Variants in DPPA2 observed in about 807,000 individuals in gnomAD.
DPPA2 encodes the protein developmental pluripotency associated 2, also known as developmental pluripotency-associated protein 2.
DPPA2 carries 26 observed loss-of-function variants against 36.2 expected under a neutral mutation model. The observed-to-expected ratio is 0.72, with a 90% CI of 0.53 to 1.00. The LOEUF (loss-of-function observed/expected upper bound fraction) is 1.00. Ranked by LOEUF, DPPA2 falls within the 50% of genes least tolerant of loss-of-function variation. The pLI is 0.00. For missense variants in DPPA2, 361 were observed against 365.1 expected, an observed-to-expected ratio of 0.99 and a Z score of 0.09; for synonymous variants, 113 against 123.2, an observed-to-expected ratio of 0.92 and a Z score of 0.55.
rs146605909 is a variant in DPPA2 at position 109,305,340 on chromosome 3, C to T, written c.659-670G>A. 6.3e-4 allele frequency among the ~76,000 whole-genome samples: 96 copies of T among 152,150 alleles called. 1 individual carries two copies. Among genetic ancestry groups the T allele is most frequent in the Admixed American group, 2.6e-3 (40 of 15,274 alleles). On this transcript the variant is annotated intron_variant, in intron 6 of 8. Transcript: ENST00000478945. ...ATTTCTTATTCACAGGTGAGATAAA[C>T]GAAGCTTATGGTGTTAAATATCATA...
At chr3:109,303,472 C>T (rs568392808) in intron 7 of DPPA2, among the ~76,000 whole-genome samples, 13 of 151,828 alleles carry the variant, frequency 8.6e-5, no homozygotes, top group Admixed American at 7.2e-4. Context: ...CCGGGTTCAG[C>T]GATTCTTCTG....
chr3:109,309,241 G>A lies in DPPA2; in HGVS notation c.271C>T (p.Pro91Ser). ...PALPLPTILP[P>S]INKVCRDTLR... is the part of the protein sequence containing the mutation. ...GTGTCCCGACACACCTTATTAATGGGAGGCAAAATGGTCGGCAAGGGAAGG... is the reference window on the plus strand; with the variant it reads ...GTGTCCCGACACACCTTATTAATGGAAGGCAAAATGGTCGGCAAGGGAAGG... The change falls in exon 4 of 9, where the codon CCC becomes TCC. Residue 91 changes from proline (P) to serine (S), a missense_variant. Transcript: ENST00000478945. 6.2e-7 allele frequency: 1 copy of A among 1,614,164 alleles called. No individual in the cohort carries two copies. The highest frequency in any genetic ancestry group is 8.5e-7 in the Non-Finnish European group (1 of 1,180,040).
intron 6 of DPPA2, among the ~76,000 whole-genome samples, chr3:109,305,071 G>A (rs976886816): frequency 3.9e-5 from 6 of 152,042 alleles, no homozygotes; most frequent in Non-Finnish European, 5.9e-5. Context: ...GCTTGAACCC[G>A]GAAGGCAGAG....
chr3:109,294,178 A>T (rs1707311760), intron 8 of DPPA2, among the ~76,000 whole-genome samples, 174 bp from the exon 9 acceptor site: 1 of 152,198 alleles, frequency 6.6e-6, no homozygotes, highest in Non-Finnish European at 1.5e-5. Flanking sequence ...GTGTATAGTC[A>T]GAATTGGTTT....
At position 109,308,174 on chromosome 3, in the gene DPPA2, G is replaced by A; in HGVS notation, c.516C>T (p.Thr172=). 6.2e-7 allele frequency: 1 copy of A among 1,614,116 alleles called. No homozygotes were observed. The highest frequency in any genetic ancestry group is 8.5e-7 in the Non-Finnish European group (1 of 1,180,016). ...SYEMNERAEE[T]NTVEVITSAP... Reference sequence around the variant, plus strand: ...CTGAAGTTATCACTTCAACTGTATTGGTCTCTTCTGCTCTCTCATTCATCT... The same window carrying A: ...CTGAAGTTATCACTTCAACTGTATTAGTCTCTTCTGCTCTCTCATTCATCT... Residue 172 remains threonine (T), a synonymous_variant, in exon 6 of 9, where the codon ACC becomes ACT. Coordinates refer to ENST00000478945, the MANE Select transcript of DPPA2 (RefSeq NM_138815.4).
rs371420785 is a variant in DPPA2 at position 109,303,557 on chromosome 3, C to T, written c.854+918G>A. Among the ~76,000 whole-genome samples the T allele has an allele frequency of 4.9e-4, 75 of 151,594 alleles. 1 individual carries two copies. The highest frequency in any genetic ancestry group is 1.6e-3 in the African/African-American group (66 of 41,402). ...GCTAATTTTGTATTTTTAGTAGAGA[C>T]GGGGTTTCTCCATATTGGTCAGGCT... is the stretch of plus-strand genomic sequence containing the variant. On this transcript the variant is annotated intron_variant, in intron 7 of 8. Coordinates refer to ENST00000478945, the MANE Select transcript of DPPA2 (RefSeq NM_138815.4).
intron 7 of DPPA2, among the ~76,000 whole-genome samples, chr3:109,302,754 CAAA>C (rs71629389): frequency 2.1e-5 from 2 of 94,042 alleles, no homozygotes; most frequent in South Asian, 3.5e-4. Flanking sequence ...AGCCCACTTA[CAAA>C]AAAAAAAAAA....
rs773094193 is a variant in DPPA2, at chr3:109,304,632, C to A, written c.697G>T (p.Ala233Ser). Residue 233 changes from alanine (A) to serine (S), a missense_variant, in exon 7 of 9, where the codon GCA (alanine) becomes TCA (serine). Coordinates refer to ENST00000478945, the MANE Select transcript of DPPA2 (RefSeq NM_138815.4). ...WCVVHGRLLS[A>S]DTKGWVRLQF... ...AGGCGTACCCAACCCTTTGTGTCTGCCGAGAGAAGTCTGCCATGGACCACA... is the reference window on the plus strand; with the variant it reads ...AGGCGTACCCAACCCTTTGTGTCTGACGAGAGAAGTCTGCCATGGACCACA... 3.7e-6 allele frequency: 6 copies of A among 1,612,000 alleles called. No homozygotes were observed. In the South Asian group the frequency reaches 6.6e-5, roughly 18 times the overall value.
At chr3:109,295,937 G>T (rs963559315) in intron 8 of DPPA2, among the ~76,000 whole-genome samples, 1 of 152,130 alleles carries the variant, frequency 6.6e-6, no homozygotes, top group Non-Finnish European at 1.5e-5. Flanking sequence ...CTCATCTATA[G>T]CTGGACTGCC....
At position 109,298,174 on chromosome 3, in the gene DPPA2, G is replaced by C. The variant is rs550917213; in HGVS notation, c.*22+2197C>G. On this transcript the variant is annotated intron_variant, in intron 8 of 8. Coordinates refer to ENST00000478945, the MANE Select transcript of DPPA2 (RefSeq NM_138815.4). ...TGCAACACAAGGGATTTCTAAGGTA[G>C]TGAAACTATTCTGTATGACACTATG... is the stretch of plus-strand genomic sequence containing the variant. 2.0e-5 allele frequency among the ~76,000 whole-genome samples: 3 copies of C among 152,306 alleles called. No homozygotes were observed. In the East Asian group the frequency reaches 5.8e-4, roughly 29 times the overall value.
At chr3:109,298,970 C>T (rs570486858) in intron 8 of DPPA2, among the ~76,000 whole-genome samples, 4 of 151,532 alleles carry the variant, frequency 2.6e-5, no homozygotes, top group East Asian at 3.9e-4. Flanking sequence ...GGCTTGAACA[C>T]GGAAGGCAGA....
intron 8 of DPPA2, among the ~76,000 whole-genome samples, chr3:109,298,799 G>A (rs1025778950): frequency 6.6e-6 from 1 of 151,438 alleles, no homozygotes; most frequent in Non-Finnish European, 1.5e-5. Flanking sequence ...AAGATTAAGC[G>A]AGTGGATTGC....
rs529128249 is a variant in DPPA2 at position 109,299,195 on chromosome 3, T to C, written c.*22+1176A>G. 2.2e-3 allele frequency among the ~76,000 whole-genome samples: 272 copies of C among 126,258 alleles called. 2 individuals are homozygous for C. Among genetic ancestry groups the C allele is most frequent in the African/African-American group, 7.3e-3 (238 of 32,438 alleles). The allele number at this position is 126,258 out of a possible 152,430, so 82.8% of individuals were successfully genotyped here. A position where few individuals can be genotyped will look rare whatever the true frequency, so the allele number is the denominator to read the frequency against. Reference sequence around the variant, plus strand: ...CAAAATGGTGAAACCCCGACTCTACTAAACATACCAAAAAAAAAAAAAAAA... The same window carrying C: ...CAAAATGGTGAAACCCCGACTCTACCAAACATACCAAAAAAAAAAAAAAAA... On this transcript the variant is annotated intron_variant, in intron 8 of 8. Coordinates refer to ENST00000478945, the MANE Select transcript of DPPA2 (RefSeq NM_138815.4).
intron 8 of DPPA2, among the ~76,000 whole-genome samples, chr3:109,298,676 C>G (rs1354410615): frequency 6.7e-6 from 1 of 148,844 alleles, no homozygotes; most frequent in Non-Finnish European, 1.5e-5. Context: ...AGATCGGCGT[C>G]ACTGCACTCC....
intron 8 of DPPA2, chr3:109,295,206 T>C (rs549896267): frequency 6.6e-6 from 1 of 152,042 alleles, no homozygotes; most frequent in African/African-American, 2.4e-5. Flanking sequence ...GGTATTTGTA[T>C]AATTTTCTTT....
At chr3:109,299,695 A>AAAAAAAGAAAAAG (rs1375592094) in intron 8 of DPPA2, among the ~76,000 whole-genome samples, 1 of 150,050 alleles carries the variant, frequency 6.7e-6, no homozygotes, top group African/African-American at 2.5e-5. Context: ...TCAAAAAAAA[A>AAAAAAAGAAAAAG]AAAAAGAAAA....
chr3:109,295,088 T>C (rs923470938), intron 8 of DPPA2, among the ~76,000 whole-genome samples: 9 of 152,176 alleles, frequency 5.9e-5, no homozygotes, highest in Middle Eastern at 3.2e-3. Context: ...TTGAAAGCTA[T>C]TGCCAAATTC....
chr3:109,300,343 T>A, intron 8 of DPPA2, 28 bp downstream of exon 8: 1 of 1,557,836 alleles, frequency 6.4e-7, no homozygotes, highest in Middle Eastern at 1.7e-4. Context: ...TAATACTTAT[T>A]TTGAGGTGGC....
Position 109,294,345 on chromosome 3 carries a change from T to C in DPPA2, c.*23-341A>G, listed in dbSNP as rs1033204376. On this transcript the variant is annotated intron_variant, in intron 8 of 8. Coordinates refer to ENST00000478945, the MANE Select transcript of DPPA2 (RefSeq NM_138815.4). ...TGATACTTTCAGAAGGCAGATGCTA[T>C]AGCATTTTGAGAGCCTGACTAAGCA... is the stretch of plus-strand genomic sequence containing the variant. Among the ~76,000 whole-genome samples the C allele has an allele frequency of 1.4e-4, 21 of 152,196 alleles. 1 individual carries two copies. Among genetic ancestry groups the C allele is most frequent in the Admixed American group, 1.0e-3 (16 of 15,276 alleles).
Sources: allele counts gnomAD v4.1 joint callset (sites outside exome capture counted in the v4.1 genomes callset), GRCh38; gene constraint gnomAD v4.1.1; transcripts MANE v1.5; gene names NCBI Gene and HGNC (gene_info 2026-07-23, HGNC 2026-07-21).